Variants in ZNF654 observed in about 807,000 individuals in gnomAD.
ZNF654 encodes the protein zinc finger protein 654.
In ZNF654, 19 loss-of-function variants were observed where a neutral mutation model predicts 95.3. That is an observed-to-expected ratio of 0.20 (90% CI 0.14 to 0.29). The LOEUF (loss-of-function observed/expected upper bound fraction) is 0.29, where lower values mean the gene tolerates loss of function less well. Ranked by LOEUF, ZNF654 falls within the 10% of genes least tolerant of loss-of-function variation. The pLI, the probability that ZNF654 is intolerant of heterozygous loss-of-function variation, is 1.00. For missense variants in ZNF654, 1,046 were observed against 1,341.0 expected, an observed-to-expected ratio of 0.78 and a Z score of 3.44; for synonymous variants, 413 against 457.9, an observed-to-expected ratio of 0.90 and a Z score of 1.25.
intron 2 of ZNF654, among the ~76,000 whole-genome samples, chr3:88,090,158 A>T (rs1305659782): frequency 1.3e-5 from 2 of 152,216 alleles, no homozygotes; most frequent in Admixed American, 1.3e-4. Flanking sequence ...ACCTATTAAA[A>T]AAAGGTTAAC....
intron 2 of ZNF654, among the ~76,000 whole-genome samples, chr3:88,096,433 G>C (rs183322135): frequency 2.0e-5 from 3 of 152,114 alleles, no homozygotes; most frequent in African/African-American, 7.2e-5. Flanking sequence ...GGGGTAAGGG[G>C]AGAAAGACCC....
chr3:88,060,937 C>T (rs1381188505), intron 1 of ZNF654, among the ~76,000 whole-genome samples: 1 of 152,072 alleles, frequency 6.6e-6, no homozygotes. Context: ...CCCCCAGTGT[C>T]ATAAAGAAGT....
intron 2 of ZNF654, among the ~76,000 whole-genome samples, chr3:88,104,079 T>C (rs1704596432): frequency 6.6e-6 from 1 of 152,042 alleles, no homozygotes. Context: ...CGAGAAAATA[T>C]ATTTCTAAAG....
chr3:88,100,366 C>T (rs1046396237), intron 2 of ZNF654, among the ~76,000 whole-genome samples: 1 of 152,316 alleles, frequency 6.6e-6, no homozygotes, highest in East Asian at 1.9e-4. Context: ...CACTTTTACA[C>T]TGTTGGTGGG....
At chr3:88,099,354 A>G (rs1704260438) in intron 2 of ZNF654, among the ~76,000 whole-genome samples, 1 of 152,226 alleles carries the variant, frequency 6.6e-6, no homozygotes, top group Non-Finnish European at 1.5e-5. Context: ...AGAATATTCC[A>G]TGCTCATGGA....
intron 7 of ZNF654, among the ~76,000 whole-genome samples, chr3:88,137,705 A>G (rs1706882553): frequency 6.6e-6 from 1 of 152,188 alleles, no homozygotes; most frequent in African/African-American, 2.4e-5. Flanking sequence ...CAAAGAATGA[A>G]TAGGAGGATC....
At chr3:88,134,768 C>A (rs1706672164) in intron 6 of ZNF654, among the ~76,000 whole-genome samples, 1 of 151,918 alleles carries the variant, frequency 6.6e-6, no homozygotes, top group South Asian at 2.1e-4. Context: ...TCAGTATTGG[C>A]ACATTAGGAT....
chr3:88,106,807 AT>A (rs940131296), intron 2 of ZNF654, among the ~76,000 whole-genome samples: 1 of 151,486 alleles, frequency 6.6e-6, no homozygotes, highest in African/African-American at 2.4e-5. Context: ...TTATATGAGG[AT>A]TTTTTTTTCT....
intron 3 of ZNF654, among the ~76,000 whole-genome samples, chr3:88,118,440 G>A (rs770252844): frequency 6.6e-6 from 1 of 152,128 alleles, no homozygotes. Flanking sequence ...ACCCTCCTTT[G>A]TGGGGCAAGT....
intron 7 of ZNF654, among the ~76,000 whole-genome samples, chr3:88,137,338 A>C (rs1433348875): frequency 6.6e-6 from 1 of 152,162 alleles, no homozygotes; most frequent in Non-Finnish European, 1.5e-5. Flanking sequence ...TTTAGAAATC[A>C]GTAGTTGGAA....
chr3:88,084,169 A>T (rs1387641252), intron 1 of ZNF654, among the ~76,000 whole-genome samples: 1 of 152,176 alleles, frequency 6.6e-6, no homozygotes, highest in Non-Finnish European at 1.5e-5. Context: ...TAGACTAGGC[A>T]AATACATTGG....
At chr3:88,069,172 A>C (rs796874041) in intron 1 of ZNF654, among the ~76,000 whole-genome samples, 11 of 152,292 alleles carry the variant, frequency 7.2e-5, no homozygotes, top group African/African-American at 2.6e-4. Flanking sequence ...CTGTAATCCC[A>C]GTACTTTGGG....
rs1424492851 is a variant in ZNF654, at chr3:88,094,964, T to C, written c.332+8562T>C. On this transcript the variant is annotated intron_variant, in intron 2 of 8. Transcript: ENST00000636215. ...CACTGCTTCTTACAAAGAAAACTTA[T>C]GAGAAATTATCCCAGGATTAAGGCA... 2.6e-5 allele frequency among the ~76,000 whole-genome samples: 4 copies of C among 152,264 alleles called. No homozygotes were observed. The East Asian group carries it at 5.8e-4, about 22-fold the overall frequency.
intron 5 of ZNF654, 98 bp downstream of exon 5, chr3:88,129,109 A>C (rs1706285853): frequency 1.2e-6 from 1 of 821,130 alleles, no homozygotes; most frequent in Non-Finnish European, 1.8e-6. Flanking sequence ...AATTCCTTTT[A>C]CAGTAATGCC....
chr3:88,128,543 T>A lies in ZNF654; in HGVS notation c.551-266T>A, dbSNP rs199862423. ...TAATGAACTGAAAGAAGAAAAAAAA[T>A]TTTTTTTTAAATTTTGTTTCTGTTA... On this transcript the variant is annotated intron_variant, in intron 4 of 8. Coordinates refer to ENST00000636215, the MANE Select transcript of ZNF654 (RefSeq NM_001350134.2). 7.0e-4 allele frequency among the ~76,000 whole-genome samples: 105 copies of A among 149,472 alleles called. 1 individual carries two copies. In the East Asian group the frequency reaches 7.7e-3, roughly 11 times the overall value.
At chr3:88,061,107 CTA>C (rs1037985823) in intron 1 of ZNF654, among the ~76,000 whole-genome samples, 19 of 152,100 alleles carry the variant, frequency 1.2e-4, no homozygotes, top group African/African-American at 4.6e-4. Context: ...TGTTTTGTAA[CTA>C]TACCTTTTAC....
intron 1 of ZNF654, among the ~76,000 whole-genome samples, chr3:88,068,919 T>G (rs1262211217): frequency 6.6e-6 from 1 of 152,166 alleles, no homozygotes; most frequent in African/African-American, 2.4e-5. Flanking sequence ...TACATTGTAT[T>G]GTATCTAGGA....
intron 6 of ZNF654, among the ~76,000 whole-genome samples, chr3:88,132,421 C>T (rs1313813470): frequency 6.6e-6 from 1 of 152,072 alleles, no homozygotes; most frequent in Non-Finnish European, 1.5e-5. Flanking sequence ...TAAAGGAAAA[C>T]GTGTATAAGC....
chr3:88,064,149 A>C (rs1226023183), intron 1 of ZNF654, among the ~76,000 whole-genome samples: 1 of 150,506 alleles, frequency 6.6e-6, no homozygotes, highest in Non-Finnish European at 1.5e-5. Context: ...AAAAAATAGC[A>C]GTCATGCCCT....
Sources: gnomAD v4.1 joint callset for allele counts (sites outside exome capture counted in the v4.1 genomes callset) on GRCh38, gnomAD v4.1.1 for gene constraint, MANE v1.5 for transcripts, NCBI Gene and HGNC (gene_info 2026-07-23, HGNC 2026-07-21) for gene names.